The following TOX variants were observed in gnomAD, a reference collection of about 807,000 sequenced individuals.
TOX encodes the protein thymocyte selection associated high mobility group box.
In TOX, 11 loss-of-function variants were observed where a neutral mutation model predicts 53.7. The ratio of observed to expected loss-of-function variants is 0.20; its 90% confidence interval spans 0.13 to 0.34. The LOEUF (loss-of-function observed/expected upper bound fraction) is 0.34, where lower values mean the gene tolerates loss of function less well. Among genes scored for constraint, TOX ranks in the 10% least tolerant of loss-of-function variants. TOX has a pLI of 1.00. For synonymous variants in TOX, 225 were observed against 245.3 expected (o/e 0.92, Z 0.77); for missense variants, 570 against 664.6 (o/e 0.86, Z 1.56).
At chr8:59,023,204 C>T (rs555524329) in intron 1 of TOX, among the ~76,000 whole-genome samples, 1 of 152,250 alleles carries the variant, frequency 6.6e-6, no homozygotes, top group Non-Finnish European at 1.5e-5. Flanking sequence ...CAGTGCACTT[C>T]ATATCATTTT....
At position 58,939,487 on chromosome 8, in the gene TOX, G is replaced by A; in HGVS notation, c.226C>T (p.Pro76Ser). The change falls in exon 3 of 9, where the codon CCT (proline) becomes TCT (serine). Residue 76 changes from proline to serine, a missense_variant. Physicochemically the swap from Pro to Ser is moderately conservative, Grantham distance 74 (BLOSUM62 -1). Around this residue, in one of 3 missense-constraint regions of TOX, gnomAD observed 282 missense variants for 315.0 expected, o/e 0.90. Transcript: ENST00000361421. ...EDFNIPPITP[P>S]SLPDHSLVHL... ...ACCAGCGAGTGGTCTGGGAGGGAAG[G>A]AGGAGTAATTGGTGGAATGTTGAAG... 6.2e-7 allele frequency: 1 copy of A among 1,614,172 alleles called. No individual in the cohort carries two copies. The highest frequency in any genetic ancestry group is 8.5e-7 in the Non-Finnish European group (1 of 1,180,006).
chr8:58,907,550 A>G (rs1156552041), intron 3 of TOX, among the ~76,000 whole-genome samples: 1 of 152,074 alleles, frequency 6.6e-6, no homozygotes, highest in Non-Finnish European at 1.5e-5. Context: ...AGCTGAGATC[A>G]CACCATTGCA....
At chr8:58,978,654 C>T (rs1452725970) in intron 1 of TOX, among the ~76,000 whole-genome samples, 1 of 152,180 alleles carries the variant, frequency 6.6e-6, no homozygotes, top group African/African-American at 2.4e-5. Flanking sequence ...TCCCATATAT[C>T]TCCTATCTCC....
At position 59,073,515 on chromosome 8, in the gene TOX, C is replaced by T. The variant is rs77673448; in HGVS notation, c.102+45371G>A. On this transcript the variant is annotated intron_variant, in intron 1 of 8. Transcript: ENST00000361421. ...GATCATGCTTCTTGTATTTAGAGTC[C>T]AATTTACTTTCAGGCCAGCACATAT... 6.8e-4 allele frequency among the ~76,000 whole-genome samples: 104 copies of T among 152,218 alleles called. 2 individuals carry two copies. The East Asian group carries it at 0.019, about 28-fold the overall frequency.
chr8:58,815,759 T>C, intron 6 of TOX, 35 bp from the exon 7 acceptor site: 3 of 1,566,646 alleles, frequency 1.9e-6, no homozygotes, highest in Non-Finnish European at 2.6e-6. Context: ...GTTGGGAGGC[T>C]GATACATGAG....
At chr8:58,898,518 C>T (rs1811686569) in intron 3 of TOX, among the ~76,000 whole-genome samples, 1 of 152,158 alleles carries the variant, frequency 6.6e-6, no homozygotes, top group Admixed American at 6.5e-5. Context: ...AAGTTGTGAT[C>T]TGGTAGCAGA....
chr8:58,810,056 G>A (rs1338524075), intron 7 of TOX, among the ~76,000 whole-genome samples: 1 of 152,158 alleles, frequency 6.6e-6, no homozygotes, highest in Admixed American at 6.5e-5. Flanking sequence ...CATGATCATA[G>A]CTCACTGCAG....
chr8:59,035,840 T>C (rs1662071032), intron 1 of TOX, among the ~76,000 whole-genome samples: 1 of 152,206 alleles, frequency 6.6e-6, no homozygotes, highest in Admixed American at 6.5e-5. Flanking sequence ...ACACTTACAG[T>C]GGTTACCATG....
At chr8:58,875,627 AG>A (rs771273748) in intron 3 of TOX, among the ~76,000 whole-genome samples, 17 of 152,212 alleles carry the variant, frequency 1.1e-4, no homozygotes, top group Non-Finnish European at 1.8e-4. Context: ...TTTAAACCAA[AG>A]TTCTGGTTCA....
chr8:59,037,714 A>C (rs1803495006), intron 1 of TOX, among the ~76,000 whole-genome samples: 2 of 149,274 alleles, frequency 1.3e-5, no homozygotes. Flanking sequence ...AAGCAGGAGA[A>C]TTGCTTGCAC....
intron 3 of TOX, among the ~76,000 whole-genome samples, chr8:58,889,958 C>T (rs1378824259): frequency 6.6e-6 from 1 of 152,084 alleles, no homozygotes; most frequent in Non-Finnish European, 1.5e-5. Context: ...ACATATGACT[C>T]ACACTTTCCC....
At chr8:58,996,362 T>C (rs1278382728) in intron 1 of TOX, among the ~76,000 whole-genome samples, 1 of 152,204 alleles carries the variant, frequency 6.6e-6, no homozygotes, top group Non-Finnish European at 1.5e-5. Context: ...TAAAGTCTCA[T>C]TTCAGAGAAG....
intron 1 of TOX, among the ~76,000 whole-genome samples, chr8:59,006,276 A>G (rs185122417): frequency 7.2e-4 from 110 of 152,366 alleles, no homozygotes; most frequent in Admixed American, 1.4e-3. Flanking sequence ...AAGGTTCTTA[A>G]CAAAGAACAA....
At chr8:59,082,240 T>A (rs554765956) in intron 1 of TOX, among the ~76,000 whole-genome samples, 2 of 152,262 alleles carry the variant, frequency 1.3e-5, no homozygotes, top group South Asian at 4.1e-4. Flanking sequence ...GGACCACTAA[T>A]GCCTTAAAGT....
rs1398343869 is a variant in TOX at position 58,944,151 on chromosome 8, G to A, written c.169-4607C>T. ...CGAGGTGTTGCTAGTGCTGAGCTAC[G>A]CAACAGGACTCTTGTGTTCCAGCGC... On this transcript the variant is annotated intron_variant, in intron 2 of 8. Transcript: ENST00000361421. Among the ~76,000 whole-genome samples the A allele has an allele frequency of 3.3e-5, 5 of 152,286 alleles. No individual in the cohort carries two copies. The Middle Eastern group carries it at 0.01, about 311-fold the overall frequency.
At chr8:58,975,735 G>A (rs971979774) in intron 1 of TOX, among the ~76,000 whole-genome samples, 1 of 152,078 alleles carries the variant, frequency 6.6e-6, no homozygotes, top group Non-Finnish European at 1.5e-5. Flanking sequence ...GACTGATCAG[G>A]GGTGGTGGCT....
At position 58,930,889 on chromosome 8, in the gene TOX, G is replaced by A. The variant is rs1194597734; in HGVS notation, c.411+8413C>T. Among the ~76,000 whole-genome samples, 5 of 152,274 alleles carry A rather than the reference G, an allele frequency of 3.3e-5. No individual in the cohort carries two copies. In the East Asian group the frequency reaches 9.6e-4, roughly 29 times the overall value. On this transcript the variant is annotated intron_variant, in intron 3 of 8. Coordinates refer to ENST00000361421, the MANE Select transcript of TOX (RefSeq NM_014729.3). Reference sequence around the variant, plus strand: ...ACTAATGACTGAAAGCTCATGGCTAGGATCTGGAAATTCTTACTTATGGAC... The same window carrying A: ...ACTAATGACTGAAAGCTCATGGCTAAGATCTGGAAATTCTTACTTATGGAC...
chr8:59,041,768 A>G (rs2129420761), intron 1 of TOX, among the ~76,000 whole-genome samples: 1 of 152,348 alleles, frequency 6.6e-6, no homozygotes, highest in Admixed American at 6.5e-5. Context: ...GCCCGTTATT[A>G]CAAGAGTTAA....
chr8:58,982,866 A>G (rs1179549453), intron 1 of TOX, among the ~76,000 whole-genome samples: 1 of 152,180 alleles, frequency 6.6e-6, no homozygotes, highest in Non-Finnish European at 1.5e-5. Context: ...TGATATCCAA[A>G]GCTTTCTGAC....
Sources: gnomAD v4.1 joint callset for allele counts (sites outside exome capture counted in the v4.1 genomes callset) on GRCh38, gnomAD v4.1.1 for gene constraint, gnomAD v4.1.1 regional missense constraint, MANE v1.5 for transcripts, NCBI Gene and HGNC (gene_info 2026-07-23, HGNC 2026-07-21) for gene names.